The following TMEM37 variants were observed in gnomAD, a reference collection of about 807,000 sequenced individuals.
The protein encoded by TMEM37 is transmembrane protein 37, also known as voltage-dependent calcium channel gamma-like subunit.
In TMEM37, 12 loss-of-function variants were observed where a neutral mutation model predicts 11.0. The ratio of observed to expected loss-of-function variants is 1.09; its 90% CI spans 0.70 to 1.76. TMEM37 has a LOEUF of 1.76. TMEM37 is among the 40% of genes most tolerant of loss of function. The pLI, the probability that TMEM37 is intolerant of heterozygous loss-of-function variation, is 0.00. For missense variants in TMEM37, 203 were observed against 251.2 expected (o/e 0.81, Z 1.30); for synonymous variants, 127 against 110.5 (o/e 1.15, Z -0.94).
At chr2:119,434,659 T>C (rs147974859) in intron 1 of TMEM37, among the ~76,000 whole-genome samples, 6 of 152,188 alleles carry the variant, frequency 3.9e-5, no homozygotes, top group African/African-American at 1.4e-4. Flanking sequence ...CTTAGCTCCA[T>C]GTTTTTGACC....
At chr2:119,431,121 C>A (rs888975644), upstream of TMEM37, among the ~76,000 whole-genome samples, 1 of 151,932 alleles carries the variant, frequency 6.6e-6, no homozygotes, top group Admixed American at 6.6e-5. Flanking sequence ...TGCACTCCAG[C>A]CTGGGCCACA....
At chr2:119,436,768 G>C in intron 1 of TMEM37, 121 bp from the exon 2 acceptor site, 1 of 824,544 alleles carries the variant, frequency 1.2e-6, no homozygotes, top group Non-Finnish European at 1.9e-6. Context: ...CTTCACAGGA[G>C]ACCAAGCAGA....
upstream of TMEM37, chr2:119,431,770 C>A (rs2104734341): frequency 1.4e-6 from 1 of 712,492 alleles, no homozygotes; most frequent in Non-Finnish European, 1.9e-6. Context: ...AATCGCCGAG[C>A]TTTGAACGCC....
upstream of TMEM37, chr2:119,431,842 G>A: frequency 8.1e-7 from 1 of 1,227,786 alleles, no homozygotes; most frequent in Non-Finnish European, 1.0e-6. Flanking sequence ...CCGGGCTGGC[G>A]CCGGCGGCCA....
In TMEM37 at chr2:119,431,866, G is replaced by A. The variant is rs1682402399; in HGVS notation, c.-38G>A. 3 of 1,234,228 alleles carry A rather than the reference G, an allele frequency of 2.4e-6. No individual in the cohort carries two copies. The highest frequency in any genetic ancestry group is 2.0e-6 in the Non-Finnish European group (2 of 990,024). 76.5% of individuals were successfully genotyped at this position (1,234,228 alleles called of 1,614,324 possible). ...CGCCGGCGGCCACAGCGGAGCAGCT[G>A]GAGCGATCGAGGCTGCAGCGCGGCC... On this transcript the variant is annotated 5_prime_UTR_variant, in exon 1 of 2. Coordinates refer to ENST00000306406, the MANE Select transcript of TMEM37 (RefSeq NM_183240.3).
intron 1 of TMEM37, among the ~76,000 whole-genome samples, chr2:119,435,429 C>T (rs374324107): frequency 6.6e-6 from 1 of 152,318 alleles, no homozygotes; most frequent in African/African-American, 2.4e-5. Context: ...GACCGTCATG[C>T]GTGCCTGTTT....
In TMEM37 at chr2:119,437,598, A is replaced by C. The variant is rs1558825911; in HGVS notation, c.*158A>C. On this transcript the variant is annotated 3_prime_UTR_variant, in exon 2 of 2. Transcript: ENST00000306406. Reference sequence around the variant, plus strand: ...CGATAACTTGTGGGTGGTCAGCCAGAAATGGCCCGGGGGCCTCTGCACCTG... The same window carrying C: ...CGATAACTTGTGGGTGGTCAGCCAGCAATGGCCCGGGGGCCTCTGCACCTG... 9.6e-7 allele frequency: 1 copy of C among 1,043,448 alleles called. No individual in the cohort carries two copies. Among genetic ancestry groups the C allele is most frequent in the Non-Finnish European group, 1.4e-6 (1 of 736,784 alleles). The allele number at this position is 1,043,448 out of a possible 1,614,324, so 64.6% of individuals were successfully genotyped here.
chr2:119,436,822 C>T lies in TMEM37; in HGVS notation c.22-67C>T, dbSNP rs1050170162. The T allele has an allele frequency of 8.2e-6, 11 of 1,338,352 alleles. No individual in the cohort carries two copies. In the East Asian group the frequency reaches 9.2e-5, roughly 11 times the overall value. The allele number at this position is 1,338,352 out of a possible 1,614,324, so 82.9% of individuals were successfully genotyped here. On this transcript the variant is annotated intron_variant, in intron 1 of 1. Transcript: ENST00000306406. The stretch of plus-strand genomic sequence containing the variant: ...CAGGATGGAGGGCTCAGGGGTCTTC[C>T]CTGCAGAGGTTCCTGGGGGCGTGGC...
chr2:119,429,964 G>C, upstream of TMEM37: 6 of 1,550,540 alleles, frequency 3.9e-6, no homozygotes, highest in Non-Finnish European at 5.2e-6. Context: ...TTTAATTCCA[G>C]GCACTTCCCT....
At chr2:119,431,774 G>A, upstream of TMEM37, 1 of 734,296 alleles carries the variant, frequency 1.4e-6, no homozygotes, top group East Asian at 3.8e-5. Flanking sequence ...GCCGAGCTTT[G>A]AACGCCCCCT....
At position 119,431,903 on chromosome 2, in the gene TMEM37, C is replaced by A. The variant is rs1476095982; in HGVS notation, c.-1C>A. On this transcript the variant is annotated 5_prime_UTR_variant, in exon 1 of 2. Coordinates refer to ENST00000306406, the MANE Select transcript of TMEM37 (RefSeq NM_183240.3). ...GCTGCAGCGCGGCCGCCGGGCGCAGCATGACTGCCGTCGGCGTGCAGGTAG... is the reference window on the plus strand; with the variant it reads ...GCTGCAGCGCGGCCGCCGGGCGCAGAATGACTGCCGTCGGCGTGCAGGTAG... 2.4e-5 allele frequency: 30 copies of A among 1,226,382 alleles called. No individual in the cohort carries two copies. The highest frequency in any genetic ancestry group is 2.8e-5 in the Non-Finnish European group (28 of 984,714). 76.0% of individuals were successfully genotyped at this position (1,226,382 alleles called of 1,614,324 possible).
upstream of TMEM37, among the ~76,000 whole-genome samples, chr2:119,431,137 T>C (rs1049067504): frequency 1.3e-5 from 2 of 150,302 alleles, no homozygotes; most frequent in Admixed American, 1.3e-4. Context: ...CCACAAGCGC[T>C]AGACAACGTC....
At chr2:119,434,647 C>A (rs1255689467) in intron 1 of TMEM37, among the ~76,000 whole-genome samples, 3 of 152,182 alleles carry the variant, frequency 2.0e-5, no homozygotes, top group Admixed American at 2.0e-4. Context: ...ACAGCCCATA[C>A]TCTTAGCTCC....
intron 1 of TMEM37, among the ~76,000 whole-genome samples, chr2:119,435,599 T>C (rs1043894410): frequency 1.3e-5 from 2 of 152,182 alleles, no homozygotes; most frequent in Non-Finnish European, 2.9e-5. Context: ...CAGCTCTCCC[T>C]TGAGCACCCA....
rs1682537275 is a variant in TMEM37, at chr2:119,437,904, G to GAA, written c.*464_*465insAA. ...AGAATGGATCATTCTTCCAGCTAAG[G>GAA]GTCCAATCAGTGCCTAGGACTTTCT... On this transcript the variant is annotated 3_prime_UTR_variant, in exon 2 of 2. Transcript: ENST00000306406. 8.9e-6 allele frequency: 1 copy of GAA among 112,696 alleles called. No homozygotes were observed. The highest frequency in any genetic ancestry group is 2.3e-4 in the South Asian group (1 of 4,396). The allele number at this position is 112,696 out of a possible 1,614,324, so 7.0% of individuals were successfully genotyped here. A position where few individuals can be genotyped will look rare whatever the true frequency, so the allele number is the denominator to read the frequency against.
chr2:119,433,084 C>G (rs1205861971), intron 1 of TMEM37, among the ~76,000 whole-genome samples: 1 of 152,210 alleles, frequency 6.6e-6, no homozygotes, highest in East Asian at 1.9e-4. Flanking sequence ...TAGGAGCTTA[C>G]AGCCCATGTA....
At chr2:119,431,621 C>A (rs1682394855), upstream of TMEM37, among the ~76,000 whole-genome samples, 1 of 151,768 alleles carries the variant, frequency 6.6e-6, no homozygotes, top group East Asian at 2.0e-4. Flanking sequence ...CGATCCTTTC[C>A]CCTGGGACCC....
chr2:119,437,284 C>T lies in TMEM37; in HGVS notation c.417C>T (p.Ser139=), dbSNP rs148949485. The part of the protein sequence containing the change: ...ILLLVSFVLS[S]GGLLGFVILL... The stretch of plus-strand genomic sequence containing the variant: ...TCCTGGTGTCTTTCGTCCTCTCCTC[C>T]GGCGGGCTCCTGGGTTTTGTGATCC... Residue 139 remains serine (S), a synonymous_variant, in exon 2 of 2, where the codon TCC becomes TCT. Transcript: ENST00000306406. 1.5e-4 allele frequency: 250 copies of T among 1,614,222 alleles called. No individual in the cohort carries two copies. The highest frequency in any genetic ancestry group is 1.9e-4 in the Non-Finnish European group (229 of 1,180,046).
chr2:119,436,866 G>T (rs775960362), intron 1 of TMEM37, 23 bp from the exon 2 acceptor site: 3 of 1,592,988 alleles, frequency 1.9e-6, no homozygotes, highest in Non-Finnish European at 2.6e-6. Flanking sequence ...GGCTGACAGG[G>T]TGCTTCCTAC....
Sources: gnomAD v4.1 joint callset for allele counts (sites outside exome capture counted in the v4.1 genomes callset) on GRCh38, gnomAD v4.1.1 for gene constraint, MANE v1.5 for transcripts, NCBI Gene and HGNC (gene_info 2026-07-23, HGNC 2026-07-21) for gene names.